DPYD: variants seen among roughly 807,000 people sequenced by gnomAD.
The protein encoded by DPYD is dihydropyrimidine dehydrogenase [NADP(+)].
DPYD carries 109 observed loss-of-function variants against 116.2 expected under a neutral mutation model. That is an observed-to-expected ratio of 0.94 (90% CI 0.80 to 1.10). The LOEUF (loss-of-function observed/expected upper bound fraction) is 1.10. DPYD is among the 50% of genes least tolerant of loss of function. The pLI is 0.00. For synonymous variants in DPYD, 440 were observed against 432.0 expected (o/e 1.02, Z -0.23); for missense variants, 1,302 against 1,254.5 (o/e 1.04, Z -0.57).
chr1:97,203,191 A>G (rs1659331074), intron 19 of DPYD, among the ~76,000 whole-genome samples: 2 of 152,126 alleles, frequency 1.3e-5, no homozygotes, highest in Non-Finnish European at 2.9e-5. Context: ...GCAGTAACAC[A>G]GGTGGTGGTG....
In DPYD at chr1:97,306,157, G is replaced by C; in HGVS notation, c.2179+20C>G. The C allele has an allele frequency of 6.2e-7, 1 of 1,611,928 alleles. No individual in the cohort carries two copies. Among genetic ancestry groups the C allele is most frequent in the East Asian group, 2.2e-5 (1 of 44,804 alleles). ...CCAATATTTACAATAGCGGGCAACT[G>C]ATTCAAGTCAAGTTCTTACCTTCCT... is the stretch of plus-strand genomic sequence containing the variant. On this transcript the variant is annotated intron_variant, in intron 17 of 22. Coordinates refer to ENST00000370192, the MANE Select transcript of DPYD (RefSeq NM_000110.4).
chr1:97,219,312 T>A (rs1355400095), intron 19 of DPYD, among the ~76,000 whole-genome samples: 1 of 152,138 alleles, frequency 6.6e-6, no homozygotes, highest in Non-Finnish European at 1.5e-5. Flanking sequence ...ATAAATAGAG[T>A]GGCAAAATCT....
chr1:97,798,186 A>G (rs1667672632), intron 3 of DPYD: 1 of 152,108 alleles, frequency 6.6e-6, no homozygotes, highest in Non-Finnish European at 1.5e-5. Flanking sequence ...ATATGGTCCT[A>G]ACCTATATGT....
intron 4 of DPYD, among the ~76,000 whole-genome samples, chr1:97,724,010 A>G (rs1224119285): frequency 6.6e-6 from 1 of 151,626 alleles, no homozygotes; most frequent in Non-Finnish European, 1.5e-5. Context: ...ATCAAAATAT[A>G]CCATATCAGT....
At chr1:97,686,509 AG>A (rs1660739277) in intron 7 of DPYD, among the ~76,000 whole-genome samples, 2 of 150,444 alleles carry the variant, frequency 1.3e-5, no homozygotes, top group Non-Finnish European at 3.0e-5. Context: ...TGGTAGCGGG[AG>A]CCTGTAGTCC....
chr1:97,297,416 T>G (rs1666601295), intron 18 of DPYD, among the ~76,000 whole-genome samples: 1 of 152,132 alleles, frequency 6.6e-6, no homozygotes, highest in Non-Finnish European at 1.5e-5. Context: ...TGGTACTAAA[T>G]TTTTGGGAAT....
chr1:97,881,172 T>C (rs756008617), intron 2 of DPYD, among the ~76,000 whole-genome samples: 12 of 152,042 alleles, frequency 7.9e-5, no homozygotes, highest in Middle Eastern at 3.2e-3. Context: ...AATGTAGCTA[T>C]ATTTGGAGAG....
At chr1:97,290,048 A>G (rs889990482) in intron 18 of DPYD, among the ~76,000 whole-genome samples, 2 of 152,164 alleles carry the variant, frequency 1.3e-5, no homozygotes, top group African/African-American at 4.8e-5. Context: ...ATACACCAAT[A>G]ACAGACAGAG....
intron 16 of DPYD, among the ~76,000 whole-genome samples, chr1:97,309,773 T>C (rs1185409026): frequency 6.6e-6 from 1 of 151,790 alleles, no homozygotes; most frequent in East Asian, 1.9e-4. Flanking sequence ...TGCAGTAATG[T>C]CCATTATGCA....
chr1:97,239,393 A>G (rs1662167310), intron 18 of DPYD, among the ~76,000 whole-genome samples: 1 of 152,148 alleles, frequency 6.6e-6, no homozygotes, highest in African/African-American at 2.4e-5. Context: ...TTAATGTATT[A>G]TGACAATCAG....
intron 18 of DPYD, 126 bp downstream of exon 18, chr1:97,305,133 G>A: frequency 7.4e-7 from 1 of 1,345,416 alleles, no homozygotes; most frequent in Non-Finnish European, 1.1e-6. Context: ...TAACTATTAG[G>A]AATATTGATC....
chr1:97,130,906 A>ACTCC (rs1246604713), intron 20 of DPYD, among the ~76,000 whole-genome samples: 16 of 81,918 alleles, frequency 2.0e-4, no homozygotes, highest in African/African-American at 7.1e-4. Context: ...TCCCTCCCTC[A>ACTCC]CTCCCTCCCT....
chr1:97,498,177 G>GT (rs1168132473), intron 13 of DPYD, among the ~76,000 whole-genome samples: 1 of 151,682 alleles, frequency 6.6e-6, no homozygotes. Context: ...GGAATGGGGA[G>GT]TAACTGCTAA....
chr1:97,782,381 C>T (rs1249534711), intron 3 of DPYD, among the ~76,000 whole-genome samples: 1 of 152,182 alleles, frequency 6.6e-6, no homozygotes, highest in Admixed American at 6.5e-5. Flanking sequence ...CTTTGCAGCA[C>T]AACAGACAGC....
intron 8 of DPYD, among the ~76,000 whole-genome samples, chr1:97,626,936 C>T (rs1017215443): frequency 1.3e-5 from 2 of 151,942 alleles, no homozygotes; most frequent in African/African-American, 4.8e-5. Context: ...GCTTCTATGT[C>T]AAAGTGCCAT....
chr1:97,807,405 T>C (rs1668126283), intron 3 of DPYD, among the ~76,000 whole-genome samples: 1 of 152,082 alleles, frequency 6.6e-6, no homozygotes. Flanking sequence ...CCTAATGACA[T>C]ATTTTCACAT....
intron 13 of DPYD, among the ~76,000 whole-genome samples, chr1:97,479,706 C>T (rs566373288): frequency 9.2e-5 from 14 of 152,130 alleles, no homozygotes; most frequent in South Asian, 4.1e-4. Flanking sequence ...AGAAAAAATA[C>T]ATGTGAAGTG....
intron 8 of DPYD, among the ~76,000 whole-genome samples, chr1:97,641,796 G>A (rs898726776): frequency 3.3e-5 from 5 of 152,196 alleles, no homozygotes; most frequent in African/African-American, 1.2e-4. Flanking sequence ...ATTAGGAAAA[G>A]AGGAAGTCAA....
intron 2 of DPYD, among the ~76,000 whole-genome samples, chr1:97,847,877 C>G (rs1232470778): frequency 6.6e-6 from 1 of 152,084 alleles, no homozygotes; most frequent in Non-Finnish European, 1.5e-5. Flanking sequence ...AAAGCTTACT[C>G]TGTCATACAC....
Sources: gnomAD v4.1 joint callset for allele counts (sites outside exome capture counted in the v4.1 genomes callset) on GRCh38, gnomAD v4.1.1 for gene constraint, MANE v1.5 for transcripts, NCBI Gene and HGNC (gene_info 2026-07-23, HGNC 2026-07-21) for gene names.